The following DYNLT5 variants were observed in gnomAD, a reference collection of about 807,000 sequenced individuals.
The protein encoded by DYNLT5 is dynein light chain Tctex-type family member 5, also known as dynein light chain Tctex-type 5.
Under a neutral mutation model 19.3 loss-of-function variants are expected in DYNLT5, and 25 were observed. The observed-to-expected ratio is 1.30, with a 90% CI of 0.95 to 1.81. DYNLT5 has a LOEUF of 1.81. Ranked by LOEUF, DYNLT5 falls within the 40% of genes most tolerant of loss-of-function variation. The pLI is 0.00. For synonymous variants in DYNLT5, 82 were observed against 68.9 expected, an observed-to-expected ratio of 1.19 and a Z score of -0.94; for missense variants, 232 against 217.9, an observed-to-expected ratio of 1.06 and a Z score of -0.41.
intron 3 of DYNLT5, among the ~76,000 whole-genome samples, chr1:66,775,814 G>A (rs888491718): frequency 6.6e-6 from 1 of 152,198 alleles, no homozygotes; most frequent in African/African-American, 2.4e-5. Context: ...ATAGACAGAT[G>A]GAGCCTGTGA....
chr1:66,774,718 C>G (rs1475988321), intron 3 of DYNLT5, among the ~76,000 whole-genome samples: 1 of 152,044 alleles, frequency 6.6e-6, no homozygotes, highest in Non-Finnish European at 1.5e-5. Flanking sequence ...CTCCACATGA[C>G]CCTTCTGGGA....
At position 66,772,878 on chromosome 1, in the gene DYNLT5, T is replaced by C. The variant is rs188750403; in HGVS notation, c.211+2400T>C. Among the ~76,000 whole-genome samples, 382 of 152,360 alleles carry C rather than the reference T, an allele frequency of 2.5e-3. 3 individuals carry two copies. The highest frequency in any genetic ancestry group is 2.4e-3 in the Non-Finnish European group (163 of 68,040). On this transcript the variant is annotated intron_variant, in intron 3 of 4. Coordinates refer to ENST00000282670, the MANE Select transcript of DYNLT5 (RefSeq NM_152665.3). ...AAGAAAATGCAGGCTGTGGCATCTG[T>C]CGTATCTGAATTTGAATACTAATTT...
intron 1 of DYNLT5, among the ~76,000 whole-genome samples, chr1:66,752,797 G>T (rs1045375753): frequency 6.6e-6 from 1 of 152,230 alleles, no homozygotes; most frequent in African/African-American, 2.4e-5. Context: ...ATGGCTGGGG[G>T]CTGGGCTTCA....
At chr1:66,760,692 G>C (rs1286556410) in intron 2 of DYNLT5, among the ~76,000 whole-genome samples, 1 of 152,162 alleles carries the variant, frequency 6.6e-6, no homozygotes, top group African/African-American at 2.4e-5. Flanking sequence ...CAGCTTTGTA[G>C]AGGTATTCAT....
chr1:66,776,304 C>A lies in DYNLT5; in HGVS notation c.237C>A (p.Val79=). The change falls in exon 4 of 5, where the codon GTC becomes GTA. Residue 79 remains valine, a synonymous_variant. Coordinates refer to ENST00000282670, the MANE Select transcript of DYNLT5 (RefSeq NM_152665.3). ...QLGPPKHFPV[V]TVNHILKDVV... ...GTCCTCCCAAACATTTTCCTGTGGT[C>A]ACCGTCAATCATATTTTGAAAGATG... 1 of 1,612,726 alleles carries A rather than the reference C, an allele frequency of 6.2e-7. No individual in the cohort carries two copies. Among genetic ancestry groups the A allele is most frequent in the South Asian group, 1.1e-5 (1 of 90,730 alleles).
At chr1:66,770,263 A>G (rs2270702) in intron 2 of DYNLT5, 124 bp from the exon 3 acceptor site, 87,895 of 666,652 alleles carry the variant, frequency 0.13, 6,120 homozygotes, top group South Asian at 0.16. Flanking sequence ...GGATATTTAC[A>G]TAAGACTTAC....
intron 3 of DYNLT5, among the ~76,000 whole-genome samples, chr1:66,772,314 G>A (rs1163555123): frequency 6.6e-6 from 1 of 152,202 alleles, no homozygotes; most frequent in Non-Finnish European, 1.5e-5. Flanking sequence ...ATGTCACATG[G>A]CAAGAGAGGG....
At position 66,776,302 on chromosome 1, in the gene DYNLT5, G is replaced by T; in HGVS notation, c.235G>T (p.Val79Phe). The T allele has an allele frequency of 1.2e-6, 2 of 1,612,660 alleles. No homozygotes were observed. The highest frequency in any genetic ancestry group is 1.7e-6 in the Non-Finnish European group (2 of 1,179,396). The change falls in exon 4 of 5, where the codon GTC (valine) becomes TTC (phenylalanine). Residue 79 changes from valine (V) to phenylalanine (F), a missense_variant. Val to Phe is a conservative substitution (Grantham distance 50). Transcript: ENST00000282670. The stretch of plus-strand genomic sequence containing the variant: ...AGGTCCTCCCAAACATTTTCCTGTG[G>T]TCACCGTCAATCATATTTTGAAAGA... ...QLGPPKHFPV[V>F]TVNHILKDVV... is the part of the protein sequence containing the mutation.
At chr1:66,769,639 T>G (rs1242799040) in intron 2 of DYNLT5, among the ~76,000 whole-genome samples, 1 of 152,050 alleles carries the variant, frequency 6.6e-6, no homozygotes, top group East Asian at 1.9e-4. Flanking sequence ...GGGTGCAGCA[T>G]TCTGAGACTG....
intron 4 of DYNLT5, 149 bp from the exon 5 acceptor site, chr1:66,777,102 G>A: frequency 1.5e-6 from 1 of 651,682 alleles, no homozygotes; most frequent in Non-Finnish European, 2.5e-6. Context: ...TGCTTGAAGG[G>A]AATCATACTT....
At chr1:66,765,623 CT>C (rs2094653495) in intron 2 of DYNLT5, among the ~76,000 whole-genome samples, 1 of 149,648 alleles carries the variant, frequency 6.7e-6, no homozygotes, top group South Asian at 2.1e-4. Flanking sequence ...TATGTTCTAA[CT>C]TTTTCTTTTC....
chr1:66,756,285 C>A (rs946035109), intron 2 of DYNLT5, among the ~76,000 whole-genome samples: 1 of 152,148 alleles, frequency 6.6e-6, no homozygotes. Flanking sequence ...AAATGATCAG[C>A]TTCCAAGTCC....
At chr1:66,766,592 T>C (rs1371109406) in intron 2 of DYNLT5, among the ~76,000 whole-genome samples, 1 of 152,244 alleles carries the variant, frequency 6.6e-6, no homozygotes, top group Non-Finnish European at 1.5e-5. Context: ...GGTTTAATGC[T>C]ATTTGCCCAT....
intron 2 of DYNLT5, among the ~76,000 whole-genome samples, chr1:66,761,304 A>G (rs1477171740): frequency 1.3e-5 from 2 of 152,210 alleles, no homozygotes; most frequent in East Asian, 1.9e-4. Flanking sequence ...ATAGCATTTT[A>G]TCTAAAGAAA....
intron 2 of DYNLT5, among the ~76,000 whole-genome samples, chr1:66,762,217 G>A (rs2094647157): frequency 6.6e-6 from 1 of 152,080 alleles, no homozygotes. Flanking sequence ...GGTACATAGT[G>A]ATTTTTCCAT....
At chr1:66,753,262 C>G (rs1219022445) in intron 1 of DYNLT5, among the ~76,000 whole-genome samples, 1 of 152,222 alleles carries the variant, frequency 6.6e-6, no homozygotes, top group African/African-American at 2.4e-5. Flanking sequence ...ACTCAACTGC[C>G]AGCTCCTTGA....
rs1381043546 is a variant in DYNLT5, at chr1:66,776,342, A to G, written c.275A>G (p.Tyr92Cys). ...ATTTTGAAAGATGTAGTAACCAGCT[A>G]TCTACAAGTAGAAGAATATGAACCA... ...NHILKDVVTS[Y>C]LQVEEYEPEL... The change falls in exon 4 of 5, where the codon TAT becomes TGT. Residue 92 changes from tyrosine (Y) to cysteine (C), a missense_variant. Physicochemically the swap from Tyr to Cys is radical, Grantham distance 194 (BLOSUM62 -2). Transcript: ENST00000282670. The G allele has an allele frequency of 6.2e-7, 1 of 1,613,574 alleles. No homozygotes were observed. Among genetic ancestry groups the G allele is most frequent in the South Asian group, 1.1e-5 (1 of 90,972 alleles).
intron 2 of DYNLT5, among the ~76,000 whole-genome samples, chr1:66,767,356 T>C (rs768239872): frequency 1.1e-4 from 16 of 152,138 alleles, no homozygotes; most frequent in Non-Finnish European, 2.1e-4. Flanking sequence ...CCTTTCGAGC[T>C]GTGCTTGTGC....
chr1:66,764,297 C>A (rs1483566396), intron 2 of DYNLT5, among the ~76,000 whole-genome samples: 1 of 152,220 alleles, frequency 6.6e-6, no homozygotes, highest in East Asian at 1.9e-4. Context: ...TTTTGACATG[C>A]CTTCCTCACC....
Sources: allele counts gnomAD v4.1 joint callset (sites outside exome capture counted in the v4.1 genomes callset), GRCh38; gene constraint gnomAD v4.1.1; transcripts MANE v1.5; gene names NCBI Gene and HGNC (gene_info 2026-07-23, HGNC 2026-07-21).